MYO19: variants seen among roughly 807,000 people sequenced by gnomAD.
The protein encoded by MYO19 is unconventional myosin-XIX.
Under a neutral mutation model 129.2 loss-of-function variants are expected in MYO19, and 132 were observed. The observed-to-expected ratio is 1.02, with a 90% CI of 0.89 to 1.18. MYO19 has a LOEUF of 1.18. Ranked by LOEUF, MYO19 falls within the 50% of genes most tolerant of loss-of-function variation. The pLI is 0.00. For synonymous variants in MYO19, 531 were observed against 477.2 expected (o/e 1.11, Z -1.47); for missense variants, 1,210 against 1,216.7 (o/e 0.99, Z 0.08).
At chr17:36,506,384 C>T (rs1368026796) in intron 18 of MYO19, 72 bp downstream of exon 18, 1 of 1,589,572 alleles carries the variant, frequency 6.3e-7, no homozygotes, top group Non-Finnish European at 8.6e-7. Context: ...CCGATCCCGG[C>T]AGGTGCTCAA....
chr17:36,534,798 G>T lies in MYO19; in HGVS notation c.-333C>A, dbSNP rs931589130. Reference sequence around the variant, plus strand: ...CCGAGCCGCCGTGCTTCAGGCCCCCGCCCGGCCAGACTGGAAAGGCGGGCG... The same window carrying T: ...CCGAGCCGCCGTGCTTCAGGCCCCCTCCCGGCCAGACTGGAAAGGCGGGCG... On this transcript the variant is annotated 5_prime_UTR_variant, in exon 1 of 26. Coordinates refer to ENST00000614623, the MANE Select transcript of MYO19 (RefSeq NM_001163735.2). 6 of 152,456 alleles carry T rather than the reference G, an allele frequency of 3.9e-5. No individual in the cohort carries two copies. The highest frequency in any genetic ancestry group is 1.4e-4 in the African/African-American group (6 of 41,464). 9.4% of individuals were successfully genotyped at this position (152,456 alleles called of 1,614,324 possible).
chr17:36,498,180 T>C, intron 25 of MYO19, 86 bp downstream of exon 25: 1 of 1,460,228 alleles, frequency 6.8e-7, no homozygotes, highest in Non-Finnish European at 9.3e-7. Context: ...TGTCCCAGCC[T>C]CAGTCTCATT....
rs754543884 is a variant in MYO19 at position 36,507,155 on chromosome 17, AG to A, written c.1468-17del. 6.3e-7 allele frequency: 1 copy of A among 1,590,430 alleles called. No homozygotes were observed. Among genetic ancestry groups the A allele is most frequent in the Non-Finnish European group, 8.6e-7 (1 of 1,165,050 alleles). The stretch of plus-strand genomic sequence containing the variant: ...GGCGGCATTCCTGTGGGATGGGAAC[AG>A]GGGGTCAGCCACCAACATGAGAGTG... On this transcript the variant is annotated splice_polypyrimidine_tract_variant and intron_variant, in intron 16 of 25. Coordinates refer to ENST00000614623, the MANE Select transcript of MYO19 (RefSeq NM_001163735.2).
rs1028051786 is a variant in MYO19 at position 36,509,256 on chromosome 17, G to A, written c.1158-121C>T. On this transcript the variant is annotated intron_variant, in intron 13 of 25. Transcript: ENST00000614623. ...GGCCCTTGTATTCTGAGCCTGACAG[G>A]TCAAAGACCAAATCCTCTCCTCTTG... 111 of 792,134 alleles carry A rather than the reference G, an allele frequency of 1.4e-4. No individual in the cohort carries two copies. The East Asian group carries it at 2.8e-3, about 20-fold the overall frequency. 49.1% of individuals were successfully genotyped at this position (792,134 alleles called of 1,614,324 possible).
upstream of MYO19, chr17:36,535,405 G>C (rs1202648526): frequency 6.6e-5 from 10 of 152,288 alleles, no homozygotes; most frequent in Non-Finnish European, 2.9e-5. Flanking sequence ...CGGGACACTG[G>C]CACGAGCGCC....
rs371727673 is a variant in MYO19, at chr17:36,500,875, G to A, written c.2332C>T (p.Arg778Ter). Reference sequence around the variant, plus strand: ...GCCCGCCACTGCCGCTCCTGCTCTCGGTGCCGGTGTCGCCTCCAGCCACCC... The same window carrying A: ...GCCCGCCACTGCCGCTCCTGCTCTCAGTGCCGGTGTCGCCTCCAGCCACCC... ...IQGGWRRHRH[R>*]EQERQWRAVM... The change falls in exon 23 of 26, where the codon CGA (arginine) becomes TGA (stop). Residue 778 changes from arginine to a stop codon, truncating the protein, a stop_gained. Transcript: ENST00000614623. LOFTEE classifies it high-confidence loss of function. 7.5e-6 allele frequency: 12 copies of A among 1,605,510 alleles called. No homozygotes were observed. Among genetic ancestry groups the A allele is most frequent in the African/African-American group, 1.3e-5 (1 of 74,906 alleles).
intron 7 of MYO19, among the ~76,000 whole-genome samples, 165 bp downstream of exon 7, chr17:36,515,693 G>A (rs2072697250): frequency 6.6e-6 from 1 of 152,178 alleles, no homozygotes; most frequent in African/African-American, 2.4e-5. Flanking sequence ...TTAGAATGAT[G>A]CTAAGGAGTA....
intron 14 of MYO19, 133 bp from the exon 15 acceptor site, chr17:36,508,057 A>G: frequency 1.0e-6 from 1 of 973,186 alleles, no homozygotes; most frequent in Non-Finnish European, 1.4e-6. Context: ...CTGAGTGAGC[A>G]TGACACCTGT....
At chr17:36,538,401 A>C, upstream of MYO19, 1 of 1,614,082 alleles carries the variant, frequency 6.2e-7, no homozygotes, top group African/African-American at 1.3e-5. Context: ...AGCCGAAAGA[A>C]TGGAACCCAG....
intron 12 of MYO19, 165 bp from the exon 13 acceptor site, chr17:36,511,082 C>T: frequency 1.3e-6 from 1 of 797,258 alleles, no homozygotes; most frequent in East Asian, 2.7e-5. Context: ...AAACAGCAGT[C>T]AGAACTCAAA....
chr17:36,501,060 C>T lies in MYO19; in HGVS notation c.2247+9G>A, dbSNP rs530364844. 84 of 1,606,558 alleles carry T rather than the reference C, an allele frequency of 5.2e-5. No homozygotes were observed. The highest frequency in any genetic ancestry group is 6.0e-5 in the Non-Finnish European group (71 of 1,174,038). ...CCTCTGTAACCTCCTCATCCCCAAACCAGCTCACCATAGAGTCAGTCATGA... is the reference window on the plus strand; with the variant it reads ...CCTCTGTAACCTCCTCATCCCCAAATCAGCTCACCATAGAGTCAGTCATGA... On this transcript the variant is annotated intron_variant, in intron 22 of 25. Coordinates refer to ENST00000614623, the MANE Select transcript of MYO19 (RefSeq NM_001163735.2).
At chr17:36,522,021 C>G (rs2073157408) in intron 6 of MYO19, among the ~76,000 whole-genome samples, 1 of 74,654 alleles carries the variant, frequency 1.3e-5, no homozygotes, top group African/African-American at 4.7e-5. Flanking sequence ...CAGAGCAAGA[C>G]TGTCTTTAAA....
Position 36,495,947 on chromosome 17 carries a change from T to C in MYO19, c.*304A>G. On this transcript the variant is annotated 3_prime_UTR_variant, in exon 26 of 26. Transcript: ENST00000614623. The stretch of plus-strand genomic sequence containing the variant: ...TTATGTGGAATTGGGATCCCCAGTG[T>C]AGTGACAGACAGTCATGACTGCTGC... 1.0e-6 allele frequency: 1 copy of C among 989,518 alleles called. No individual in the cohort carries two copies. The allele number at this position is 989,518 out of a possible 1,614,324, so 61.3% of individuals were successfully genotyped here. A position where few individuals can be genotyped will look rare whatever the true frequency, so the allele number is the denominator to read the frequency against.
Position 36,500,815 on chromosome 17 carries a change from G to C in MYO19, c.2377+15C>G. 1 of 1,595,388 alleles carries C rather than the reference G, an allele frequency of 6.3e-7. No homozygotes were observed. Among genetic ancestry groups the C allele is most frequent in the Non-Finnish European group, 8.5e-7 (1 of 1,175,466 alleles). On this transcript the variant is annotated intron_variant, in intron 23 of 25. Coordinates refer to ENST00000614623, the MANE Select transcript of MYO19 (RefSeq NM_001163735.2). ...GGGTCTGTGAGCAGTGCTGACAGGT[G>C]ACCTGCCCACCTACCTGCCTGGATG...
At chr17:36,540,132 T>TA (rs1414318229) in intron 2 of MYO19, among the ~76,000 whole-genome samples, 1 of 152,100 alleles carries the variant, frequency 6.6e-6, no homozygotes, top group Non-Finnish European at 1.5e-5. Flanking sequence ...CATCCTCACC[T>TA]ACCATGCTAA....
At chr17:36,515,596 C>A (rs755042673) in intron 7 of MYO19, among the ~76,000 whole-genome samples, 1 of 152,168 alleles carries the variant, frequency 6.6e-6, no homozygotes. Context: ...AGAATTTGGA[C>A]GAGCTAAGCC....
Position 36,496,176 on chromosome 17 carries a change from A to C in MYO19, c.*75T>G, listed in dbSNP as rs1047919707. 1.3e-6 allele frequency: 2 copies of C among 1,557,532 alleles called. No homozygotes were observed. Among genetic ancestry groups the C allele is most frequent in the Non-Finnish European group, 1.8e-6 (2 of 1,138,432 alleles). Reference sequence around the variant, plus strand: ...TGGAGCACTGTGGGAATAGTCTGGCAGCTGTGTGCTGATTAAATGTCTTTG... The same window carrying C: ...TGGAGCACTGTGGGAATAGTCTGGCCGCTGTGTGCTGATTAAATGTCTTTG... On this transcript the variant is annotated 3_prime_UTR_variant, in exon 26 of 26. Transcript: ENST00000614623.
intron 9 of MYO19, 134 bp downstream of exon 9, chr17:36,514,312 A>G: frequency 1.5e-6 from 1 of 674,152 alleles, no homozygotes; most frequent in Non-Finnish European, 2.7e-6. Flanking sequence ...TAAAGTCTGC[A>G]GGATAAAGTG....
upstream of MYO19, chr17:36,535,512 C>A (rs1200783501): frequency 2.0e-5 from 3 of 152,238 alleles, no homozygotes; most frequent in African/African-American, 7.2e-5. Context: ...GGCTGGTTCC[C>A]GCGTGGTTTG....
Sources: allele counts gnomAD v4.1 joint callset (sites outside exome capture counted in the v4.1 genomes callset), GRCh38; gene constraint gnomAD v4.1.1; transcripts MANE v1.5; gene names NCBI Gene and HGNC (gene_info 2026-07-23, HGNC 2026-07-21).